ANO4: variants seen among roughly 807,000 people sequenced by gnomAD.
ANO4 encodes the protein anoctamin-4.
ANO4 carries 69 observed loss-of-function variants against 141.9 expected under a neutral mutation model. That is an observed-to-expected ratio of 0.49 (90% CI 0.40 to 0.59). The LOEUF is 0.59. ANO4 is among the 20% of genes least tolerant of loss of function. ANO4 has a pLI of 0.00. For synonymous variants in ANO4, 350 were observed against 394.3 expected, an observed-to-expected ratio of 0.89 and a Z score of 1.33; for missense variants, 894 against 1,162.2, an observed-to-expected ratio of 0.77 and a Z score of 3.36.
At chr12:100,915,550 T>C (rs2041299376) in intron 2 of ANO4, among the ~76,000 whole-genome samples, 1 of 152,158 alleles carries the variant, frequency 6.6e-6, no homozygotes, top group South Asian at 2.1e-4. Flanking sequence ...CTTTCCTTTA[T>C]TTTGGTTTCA....
chr12:100,895,561 G>GTTTTTTTT (rs201323252), intron 1 of ANO4, among the ~76,000 whole-genome samples: 5 of 131,116 alleles, frequency 3.8e-5, no homozygotes, highest in African/African-American at 1.4e-4. Context: ...TCTGAGCTTT[G>GTTTTTTTT]TTTTTTTTTT....
chr12:100,870,824 T>A (rs2038996066), intron 1 of ANO4, among the ~76,000 whole-genome samples: 2 of 152,214 alleles, frequency 1.3e-5, no homozygotes, highest in South Asian at 4.1e-4. Context: ...AAATGTATAA[T>A]TATACAGGAT....
chr12:100,799,385 C>T (rs1039420288), intron 1 of ANO4, among the ~76,000 whole-genome samples: 4 of 152,034 alleles, frequency 2.6e-5, no homozygotes, highest in African/African-American at 7.3e-5. Context: ...ATGAACAGGG[C>T]GAATATGTAT....
intron 5 of ANO4, among the ~76,000 whole-genome samples, chr12:100,968,800 T>C (rs1322698784): frequency 6.6e-6 from 1 of 152,180 alleles, no homozygotes; most frequent in East Asian, 1.9e-4. Flanking sequence ...CCCCAAGGCA[T>C]CATTGCGTCC....
intron 8 of ANO4, among the ~76,000 whole-genome samples, chr12:101,013,243 A>G (rs1425894512): frequency 6.6e-6 from 1 of 152,196 alleles, no homozygotes; most frequent in East Asian, 1.9e-4. Context: ...TCAAACAGGC[A>G]GTTGAATGTG....
At chr12:100,722,537 C>T (rs1430809397) in intron 1 of ANO4, among the ~76,000 whole-genome samples, 1 of 152,188 alleles carries the variant, frequency 6.6e-6, no homozygotes, top group Non-Finnish European at 1.5e-5. Flanking sequence ...AAGGCCCCCT[C>T]TCTTTTCCCC....
At chr12:100,831,491 C>T (rs1385514302) in intron 1 of ANO4, among the ~76,000 whole-genome samples, 1 of 148,652 alleles carries the variant, frequency 6.7e-6, no homozygotes, top group Admixed American at 6.7e-5. Flanking sequence ...TATAGTCAAT[C>T]ACTTCCACCT....
Position 100,907,641 on chromosome 12 carries a change from G to C in ANO4, c.55+5801G>C, listed in dbSNP as rs557493831. Among the ~76,000 whole-genome samples the C allele has an allele frequency of 2.6e-5, 4 of 152,304 alleles. No individual in the cohort carries two copies. In the East Asian group the frequency reaches 7.7e-4, roughly 29 times the overall value. On this transcript the variant is annotated intron_variant, in intron 2 of 27. Transcript: ENST00000392977. Reference sequence around the variant, plus strand: ...AAATCTGTTCTACTCAGCAGATATAGGTTAGCATTCTGAAGTTATATGGCG... The same window carrying C: ...AAATCTGTTCTACTCAGCAGATATACGTTAGCATTCTGAAGTTATATGGCG...
At chr12:100,747,262 A>G (rs190434601) in intron 3 of ANO4, among the ~76,000 whole-genome samples, 5 of 152,238 alleles carry the variant, frequency 3.3e-5, no homozygotes, top group East Asian at 1.9e-4. Context: ...ATTTGATCCT[A>G]TTTTAGCAAG....
At chr12:100,958,796 C>A (rs957908460) in intron 5 of ANO4, among the ~76,000 whole-genome samples, 1 of 152,078 alleles carries the variant, frequency 6.6e-6, no homozygotes, top group African/African-American at 2.4e-5. Context: ...TGCAGTGAGC[C>A]AAGATTGCGC....
intron 2 of ANO4, among the ~76,000 whole-genome samples, chr12:100,904,190 T>G (rs1272338244): frequency 1.3e-5 from 2 of 152,150 alleles, no homozygotes; most frequent in Non-Finnish European, 2.9e-5. Flanking sequence ...GCTTCTGAAT[T>G]TTTCTGCCTG....
intron 3 of ANO4, among the ~76,000 whole-genome samples, chr12:100,935,072 A>G (rs1306687281): frequency 6.6e-6 from 1 of 152,168 alleles, no homozygotes; most frequent in Non-Finnish European, 1.5e-5. Context: ...TCCTAATTGA[A>G]TATCCTTTAT....
chr12:100,754,824 C>T (rs1285700327), intron 3 of ANO4, among the ~76,000 whole-genome samples: 4 of 152,022 alleles, frequency 2.6e-5, no homozygotes, highest in Non-Finnish European at 4.4e-5. Context: ...CACAAAATAC[C>T]ACATCTTGTA....
At chr12:100,826,558 A>G (rs1235325300) in intron 1 of ANO4, among the ~76,000 whole-genome samples, 3 of 151,878 alleles carry the variant, frequency 2.0e-5, no homozygotes, top group Admixed American at 2.0e-4. Context: ...GTTGCTTGCT[A>G]GGGCCTGCTG....
chr12:100,968,161 A>G (rs1028644053), intron 5 of ANO4, among the ~76,000 whole-genome samples: 3 of 152,220 alleles, frequency 2.0e-5, no homozygotes, highest in Admixed American at 6.5e-5. Context: ...ATAAATCAAA[A>G]CAGCTATCCT....
At chr12:100,965,737 T>G (rs1407651651) in intron 5 of ANO4, among the ~76,000 whole-genome samples, 1 of 152,014 alleles carries the variant, frequency 6.6e-6, no homozygotes, top group Non-Finnish European at 1.5e-5. Context: ...TAACACCGTC[T>G]CATCTTTCAG....
intron 5 of ANO4, among the ~76,000 whole-genome samples, chr12:100,967,508 T>C (rs1239949368): frequency 1.3e-5 from 2 of 151,994 alleles, no homozygotes; most frequent in East Asian, 3.9e-4. Context: ...AGTTCTTCCT[T>C]GAAAAACTGA....
At chr12:100,907,376 G>A (rs926188578) in intron 2 of ANO4, among the ~76,000 whole-genome samples, 3 of 152,088 alleles carry the variant, frequency 2.0e-5, no homozygotes, top group Admixed American at 1.3e-4. Flanking sequence ...TCCTCAAAAT[G>A]TAACTCAAAT....
At chr12:100,856,466 T>C (rs932534158) in intron 1 of ANO4, among the ~76,000 whole-genome samples, 1 of 152,060 alleles carries the variant, frequency 6.6e-6, no homozygotes, top group Non-Finnish European at 1.5e-5. Flanking sequence ...AGAAAGTAAA[T>C]ACAGTATAGG....
Sources: allele counts gnomAD v4.1 joint callset (sites outside exome capture counted in the v4.1 genomes callset), GRCh38; gene constraint gnomAD v4.1.1; transcripts MANE v1.5; gene names NCBI Gene and HGNC (gene_info 2026-07-23, HGNC 2026-07-21).